The following VSTM2L variants were observed in gnomAD, a reference collection of about 807,000 sequenced individuals.
The protein encoded by VSTM2L is V-set and transmembrane domain containing 2 like.
A neutral mutation model predicts 19.9 loss-of-function variants in VSTM2L; 9 were observed. That is an observed-to-expected ratio of 0.45 (90% CI 0.27 to 0.79). VSTM2L has a LOEUF of 0.79. VSTM2L is among the 30% of genes least tolerant of loss of function. The pLI is 0.15. For missense variants in VSTM2L, 286 were observed against 295.5 expected, an observed-to-expected ratio of 0.97 and a Z score of 0.24; for synonymous variants, 127 against 133.8, an observed-to-expected ratio of 0.95 and a Z score of 0.35.
At chr20:37,938,068 G>A (rs529691762) in intron 3 of VSTM2L, among the ~76,000 whole-genome samples, 7 of 152,116 alleles carry the variant, frequency 4.6e-5, no homozygotes, top group Non-Finnish European at 1.0e-4. Flanking sequence ...GGCTGTTGTG[G>A]AAGAAGAGGC....
intron 1 of VSTM2L, among the ~76,000 whole-genome samples, chr20:37,919,699 G>A (rs935662613): frequency 5.3e-5 from 8 of 152,224 alleles, no homozygotes; most frequent in Admixed American, 5.2e-4. Flanking sequence ...TGGGCATAGA[G>A]CAGGCTTCCT....
chr20:37,937,002 T>C (rs2072944670), intron 3 of VSTM2L, among the ~76,000 whole-genome samples: 1 of 151,238 alleles, frequency 6.6e-6, no homozygotes, highest in Non-Finnish European at 1.5e-5. Flanking sequence ...GGGCGGATCA[T>C]CCGAGGTCAG....
chr20:37,907,300 G>A (rs1010255225), intron 1 of VSTM2L, among the ~76,000 whole-genome samples: 1 of 152,152 alleles, frequency 6.6e-6, no homozygotes, highest in African/African-American at 2.4e-5. Context: ...AGAGATGAGA[G>A]CTCATTATAT....
At chr20:37,923,900 A>T (rs1458912947) in intron 1 of VSTM2L, among the ~76,000 whole-genome samples, 1 of 152,156 alleles carries the variant, frequency 6.6e-6, no homozygotes, top group Non-Finnish European at 1.5e-5. Flanking sequence ...TAATGATCAC[A>T]CCCACTCCAT....
At position 37,944,698 on chromosome 20, in the gene VSTM2L, A is replaced by C; in HGVS notation, c.*445A>C. ...TGTGGACAGTGACCCCTCCCTGAATATGGACTTGAATCTTCTGAGCAGAAC... is the reference window on the plus strand; with the variant it reads ...TGTGGACAGTGACCCCTCCCTGAATCTGGACTTGAATCTTCTGAGCAGAAC... On this transcript the variant is annotated 3_prime_UTR_variant, in exon 4 of 4. Transcript: ENST00000373461. 1 of 991,010 alleles carries C rather than the reference A, an allele frequency of 1.0e-6. No homozygotes were observed. 61.4% of individuals were successfully genotyped at this position (991,010 alleles called of 1,614,324 possible). A position where few individuals can be genotyped will look rare whatever the true frequency, so the allele number is the denominator to read the frequency against.
intron 1 of VSTM2L, among the ~76,000 whole-genome samples, chr20:37,909,773 C>G (rs531651016): frequency 4.5e-4 from 69 of 152,148 alleles, no homozygotes; most frequent in Non-Finnish European, 9.1e-4. Flanking sequence ...GCGCCCTTCT[C>G]CCCTGACCCT....
intron 1 of VSTM2L, among the ~76,000 whole-genome samples, chr20:37,922,316 T>G (rs2072856355): frequency 6.6e-6 from 1 of 152,188 alleles, no homozygotes; most frequent in South Asian, 2.1e-4. Context: ...TCAAGGTTCA[T>G]CTATTTGCGG....
intron 3 of VSTM2L, among the ~76,000 whole-genome samples, chr20:37,937,428 A>T (rs1427449250): frequency 6.6e-6 from 1 of 152,146 alleles, no homozygotes; most frequent in Admixed American, 6.5e-5. Flanking sequence ...TCCATGGCTC[A>T]GGCAAACATT....
chr20:37,943,227 C>T (rs948858199), intron 3 of VSTM2L, among the ~76,000 whole-genome samples: 3 of 152,060 alleles, frequency 2.0e-5, no homozygotes, highest in African/African-American at 7.2e-5. Flanking sequence ...GATCCGCCTC[C>T]CTCGGCCTCC....
chr20:37,938,007 G>A (rs1182903461), intron 3 of VSTM2L, among the ~76,000 whole-genome samples: 3 of 152,150 alleles, frequency 2.0e-5, no homozygotes, highest in African/African-American at 7.2e-5. Context: ...GTCAGCCACC[G>A]TGGGGACCAT....
In VSTM2L at chr20:37,944,262, C is replaced by T; in HGVS notation, c.*9C>T. The T allele has an allele frequency of 6.8e-7, 1 of 1,480,126 alleles. No individual in the cohort carries two copies. The highest frequency in any genetic ancestry group is 9.0e-7 in the Non-Finnish European group (1 of 1,107,788). 91.7% of individuals were successfully genotyped at this position (1,480,126 alleles called of 1,614,324 possible). The stretch of plus-strand genomic sequence containing the variant: ...AGGCCTGCAGCCTCTAGACTGATGC[C>T]CCTGCCCCCGCCCATCCGCCCCCAC... On this transcript the variant is annotated 3_prime_UTR_variant, in exon 4 of 4. Coordinates refer to ENST00000373461, the MANE Select transcript of VSTM2L (RefSeq NM_080607.3).
intron 1 of VSTM2L, among the ~76,000 whole-genome samples, chr20:37,911,327 G>A (rs2072778535): frequency 6.6e-6 from 1 of 151,616 alleles, no homozygotes; most frequent in Non-Finnish European, 1.5e-5. Flanking sequence ...AGGGTACCCA[G>A]TAGTGAGCTC....
chr20:37,920,995 A>G (rs2072847580), intron 1 of VSTM2L, among the ~76,000 whole-genome samples: 1 of 152,188 alleles, frequency 6.6e-6, no homozygotes, highest in Non-Finnish European at 1.5e-5. Context: ...GGGCTGGGCA[A>G]TGCAGGGTCC....
intron 1 of VSTM2L, among the ~76,000 whole-genome samples, chr20:37,919,515 T>C (rs747696628): frequency 1.2e-4 from 18 of 152,252 alleles, no homozygotes; most frequent in Non-Finnish European, 2.5e-4. Context: ...CTCCTGATTT[T>C]AGAAGCCAGC....
intron 1 of VSTM2L, among the ~76,000 whole-genome samples, chr20:37,909,505 G>A (rs2072768162): frequency 1.3e-5 from 2 of 152,168 alleles, no homozygotes; most frequent in African/African-American, 2.4e-5. Context: ...CAGGGGATGA[G>A]GTCTGAATTC....
chr20:37,907,891 C>A (rs1219894401), intron 1 of VSTM2L, among the ~76,000 whole-genome samples: 1 of 152,214 alleles, frequency 6.6e-6, no homozygotes, highest in Non-Finnish European at 1.5e-5. Flanking sequence ...ATGACTCTGG[C>A]TTCCTCGCAT....
At chr20:37,943,686 T>G (rs1041209809) in intron 3 of VSTM2L, among the ~76,000 whole-genome samples, 1 of 152,046 alleles carries the variant, frequency 6.6e-6, no homozygotes, top group African/African-American at 2.4e-5. Context: ...GAGCTTTCCC[T>G]CTGCTGTTTG....
intron 1 of VSTM2L, among the ~76,000 whole-genome samples, chr20:37,906,919 G>A (rs903560276): frequency 2.0e-4 from 30 of 152,138 alleles, no homozygotes; most frequent in African/African-American, 7.2e-4. Context: ...TCTTGTCCAG[G>A]GGAGGGATCC....
intron 1 of VSTM2L, among the ~76,000 whole-genome samples, chr20:37,916,318 C>T (rs981768189): frequency 2.6e-5 from 4 of 152,228 alleles, no homozygotes; most frequent in Non-Finnish European, 5.9e-5. Flanking sequence ...CGCCCCTGCC[C>T]TATCTCTGGC....
Sources: allele counts gnomAD v4.1 joint callset (sites outside exome capture counted in the v4.1 genomes callset), GRCh38; gene constraint gnomAD v4.1.1; transcripts MANE v1.5; gene names NCBI Gene and HGNC (gene_info 2026-07-23, HGNC 2026-07-21).